The following TRMT5 variants were observed in gnomAD, a reference collection of about 807,000 sequenced individuals.
TRMT5 encodes tRNA (guanine(37)-N(1))-methyltransferase.
Under a neutral mutation model 42.2 loss-of-function variants are expected in TRMT5, and 31 were observed. That is an observed-to-expected ratio of 0.73 (90% CI 0.55 to 0.99). TRMT5 has a LOEUF of 0.99. TRMT5 is among the 50% of genes least tolerant of loss of function. The pLI, the probability that TRMT5 is intolerant of heterozygous loss-of-function variation, is 0.00. For missense variants in TRMT5, 568 were observed against 595.0 expected (o/e 0.95, Z 0.47); for synonymous variants, 198 against 209.6 (o/e 0.94, Z 0.48).
chr14:60,981,030 C>A lies in TRMT5; in HGVS notation c.-57G>T, dbSNP rs1374355044. 1 of 1,610,484 alleles carries A rather than the reference C, an allele frequency of 6.2e-7. No homozygotes were observed. The highest frequency in any genetic ancestry group is 1.7e-5 in the Admixed American group (1 of 60,008). ...CCGCGAGCCGACCCCTCACCTCCCG[C>A]TCCGGTACCGATCGGATGTGGGTCG... On this transcript the variant is annotated 5_prime_UTR_variant, in exon 1 of 5. Transcript: ENST00000261249.
rs200346213 is a variant in TRMT5 at position 60,977,564 on chromosome 14, G to A, written c.742C>T (p.Arg248Ter). 1.1e-5 allele frequency: 18 copies of A among 1,609,642 alleles called. No individual in the cohort carries two copies. The highest frequency in any genetic ancestry group is 3.3e-5 in the Admixed American group (2 of 59,774). ...GATAGCACTTCCATTTGGAAATTTC[G>A]GTACATATTGTCAATATTATTTATT... ...NKINNIDNMY[R>*]NFQMEVLSGE... Residue 248 changes from arginine to a stop codon, truncating the protein, a stop_gained, in exon 3 of 5, where the codon CGA (arginine) becomes TGA (stop). Transcript: ENST00000261249. LOFTEE classifies it high-confidence loss of function.
rs771699596 is a variant in TRMT5, at chr14:60,981,026, C to A, written c.-53G>T. 6.2e-7 allele frequency: 1 copy of A among 1,610,834 alleles called. No homozygotes were observed. On this transcript the variant is annotated 5_prime_UTR_variant, in exon 1 of 5. Coordinates refer to ENST00000261249, the MANE Select transcript of TRMT5 (RefSeq NM_020810.3). ...GGATCCGCGAGCCGACCCCTCACCT[C>A]CCGCTCCGGTACCGATCGGATGTGG...
chr14:60,980,029 G>C (rs2036923617), intron 1 of TRMT5, 143 bp from the exon 2 acceptor site: 1 of 958,346 alleles, frequency 1.0e-6, no homozygotes, highest in Non-Finnish European at 1.5e-6. Context: ...TCCAGACTAG[G>C]ATGACTTCTT....
Position 60,974,432 on chromosome 14 carries a change from T to TA in TRMT5, c.*676dup, listed in dbSNP as rs1382653465. On this transcript the variant is annotated 3_prime_UTR_variant, in exon 5 of 5. Coordinates refer to ENST00000261249, the MANE Select transcript of TRMT5 (RefSeq NM_020810.3). ...TGCAAATTCGTGAAGCGTTCCATATTAAAAACAAAAAACAGCTGCAGATGA... is the reference window on the plus strand; with the variant it reads ...TGCAAATTCGTGAAGCGTTCCATATTAAAAAACAAAAAACAGCTGCAGATGA... 1 of 152,302 alleles carries TA rather than the reference T, an allele frequency of 6.6e-6. No individual in the cohort carries two copies. The highest frequency in any genetic ancestry group is 1.5e-5 in the Non-Finnish European group (1 of 68,024). The allele number at this position is 152,302 out of a possible 1,614,324, so 9.4% of individuals were successfully genotyped here. A position where few individuals can be genotyped will look rare whatever the true frequency, so the allele number is the denominator to read the frequency against.
chr14:60,977,623 T>A lies in TRMT5; in HGVS notation c.683A>T (p.Asp228Val). The A allele has an allele frequency of 6.2e-7, 1 of 1,608,032 alleles. No homozygotes were observed. Among genetic ancestry groups the A allele is most frequent in the Non-Finnish European group, 8.5e-7 (1 of 1,177,346 alleles). ...FKHLIGQVMI[D>V]KNPGITSAVN... ...TGCTGAGGTGATTCCTGGATTTTTGTCAATCATAACCTGGCCTAAAAGAAA... is the reference window on the plus strand; with the variant it reads ...TGCTGAGGTGATTCCTGGATTTTTGACAATCATAACCTGGCCTAAAAGAAA... Residue 228 changes from aspartate to valine, a missense_variant, in exon 3 of 5, where the codon GAC becomes GTC. Asp to Val is a radical substitution (Grantham distance 152, BLOSUM62 -3). Transcript: ENST00000261249.
upstream of TRMT5, chr14:60,981,514 G>A: frequency 1.3e-6 from 2 of 1,534,020 alleles, no homozygotes; most frequent in Non-Finnish European, 1.7e-6. Context: ...TGGGGGATGG[G>A]GTCTGAAGGC....
Position 60,979,503 on chromosome 14 carries a change from T to A in TRMT5, c.395A>T (p.Asp132Val), listed in dbSNP as rs781031426. 2 of 1,614,208 alleles carry A rather than the reference T, an allele frequency of 1.2e-6. No homozygotes were observed. The highest frequency in any genetic ancestry group is 4.5e-5 in the East Asian group (2 of 44,884). Residue 132 changes from aspartate to valine, a missense_variant, in exon 2 of 5, where the codon GAT (aspartate) becomes GTT (valine). Coordinates refer to ENST00000261249, the MANE Select transcript of TRMT5 (RefSeq NM_020810.3). ...GIRRVIEDPE[D>V]KESRLIMLDP... ...CAACATGATTAGTCTACTTTCTTTA[T>A]CTTCCGGATCTTCAATCACACGTCT...
chr14:60,979,812 G>A lies in TRMT5; in HGVS notation c.86C>T (p.Ser29Leu), dbSNP rs763695602. 1.2e-6 allele frequency: 2 copies of A among 1,612,078 alleles called. No individual in the cohort carries two copies. Among genetic ancestry groups the A allele is most frequent in the Non-Finnish European group, 1.7e-6 (2 of 1,179,688 alleles). Reference protein sequence around the residue: ...LESHSITESKSLIPVAWTSLT... With the variant: ...LESHSITESKLLIPVAWTSLT... ...GGATGTCCAAGCTACTGGAATCAAC[G>A]ATTTTGATTCAGTTATGCTATGGCT... The change falls in exon 2 of 5, where the codon TCG becomes TTG. Residue 29 changes from serine to leucine, a missense_variant. Transcript: ENST00000261249.
chr14:60,981,593 A>T, upstream of TRMT5: 1 of 1,503,738 alleles, frequency 6.7e-7, no homozygotes, highest in South Asian at 1.2e-5. Context: ...CTCTAGAAAG[A>T]AAAGATGAAA....
At chr14:60,981,097 C>T (rs2139650120), upstream of TRMT5, 3 of 1,592,956 alleles carry the variant, frequency 1.9e-6, no homozygotes, top group Non-Finnish European at 2.6e-6. Context: ...TCACTGTTCG[C>T]CGCGAAGAGG....
Position 60,979,672 on chromosome 14 carries a change from G to T in TRMT5, c.226C>A (p.Pro76Thr). ...HERETELFSP[P>T]SDVRGMTKLD... ...TTTGTCATGCCTCGGACATCAGAAGGTGGTGAAAACAATTCAGTCTCTCTC... is the reference window on the plus strand; with the variant it reads ...TTTGTCATGCCTCGGACATCAGAAGTTGGTGAAAACAATTCAGTCTCTCTC... The change falls in exon 2 of 5, where the codon CCT (proline) becomes ACT (threonine). Residue 76 changes from proline to threonine, a missense_variant. Pro to Thr is a conservative substitution (Grantham distance 38). Transcript: ENST00000261249. The T allele has an allele frequency of 5.6e-6, 9 of 1,614,090 alleles. No homozygotes were observed. Among genetic ancestry groups the T allele is most frequent in the Non-Finnish European group, 7.6e-6 (9 of 1,180,018 alleles).
At position 60,979,620 on chromosome 14, in the gene TRMT5, G is replaced by A. The variant is rs755829639; in HGVS notation, c.278C>T (p.Thr93Ile). 2.1e-5 allele frequency: 34 copies of A among 1,613,974 alleles called. No individual in the cohort carries two copies. The African/African-American group carries it at 3.7e-4, about 18-fold the overall frequency. Reference protein sequence around the residue: ...TKLDRTAFKKTVNIPVLKVRK... With the variant: ...TKLDRTAFKKIVNIPVLKVRK... ...CACTTTAAGCACTGGAATGTTGACT[G>A]TCTTTTTAAAAGCTGTTCTATCAAG... Residue 93 changes from threonine (T) to isoleucine (I), a missense_variant, in exon 2 of 5, where the codon ACA becomes ATA. Thr to Ile is a moderately conservative substitution (Grantham distance 89, BLOSUM62 -1). Coordinates refer to ENST00000261249, the MANE Select transcript of TRMT5 (RefSeq NM_020810.3).
At chr14:60,977,793 A>G (rs567078075) in intron 2 of TRMT5, among the ~76,000 whole-genome samples, 155 bp from the exon 3 acceptor site, 1 of 152,380 alleles carries the variant, frequency 6.6e-6, no homozygotes, top group East Asian at 1.9e-4. Flanking sequence ...AAAATTCAAC[A>G]GATGACTAAA....
At chr14:60,978,382 TCA>T (rs553885463) in intron 2 of TRMT5, among the ~76,000 whole-genome samples, 23 of 152,336 alleles carry the variant, frequency 1.5e-4, no homozygotes, top group Non-Finnish European at 2.8e-4. Flanking sequence ...TTTCTGATAA[TCA>T]GATACTTGTT....
chr14:60,980,540 T>C (rs2036941692), intron 1 of TRMT5, among the ~76,000 whole-genome samples: 1 of 152,212 alleles, frequency 6.6e-6, no homozygotes, highest in Non-Finnish European at 1.5e-5. Context: ...GTCCTGCCTT[T>C]AACTAGAGGC....
In TRMT5 at chr14:60,971,591, A is replaced by G. The variant is rs929257500; in HGVS notation, c.*3518T>C. The G allele has an allele frequency of 1.6e-5, 3 of 185,828 alleles. No homozygotes were observed. Among genetic ancestry groups the G allele is most frequent in the African/African-American group, 4.8e-5 (2 of 41,862 alleles). 11.5% of individuals were successfully genotyped at this position (185,828 alleles called of 1,614,324 possible). ...AATGGACTACCAAAAATCAGCCGCTATAAAACCCAATGAAGTCCTCATCTG... is the reference window on the plus strand; with the variant it reads ...AATGGACTACCAAAAATCAGCCGCTGTAAAACCCAATGAAGTCCTCATCTG... On this transcript the variant is annotated 3_prime_UTR_variant, in exon 5 of 5. Coordinates refer to ENST00000261249, the MANE Select transcript of TRMT5 (RefSeq NM_020810.3).
chr14:60,977,494 T>G lies in TRMT5; in HGVS notation c.792+20A>C. On this transcript the variant is annotated intron_variant, in intron 3 of 4. Transcript: ENST00000261249. The stretch of plus-strand genomic sequence containing the variant: ...AACATAATATTGATATACACCTTAC[T>G]TGGAGATAATAAAATATACCTTTGT... 1 of 1,592,106 alleles carries G rather than the reference T, an allele frequency of 6.3e-7. No individual in the cohort carries two copies. The highest frequency in any genetic ancestry group is 8.5e-7 in the Non-Finnish European group (1 of 1,172,240).
In TRMT5 at chr14:60,979,652, C is replaced by T. The variant is rs758770380; in HGVS notation, c.246G>A (p.Met82Ile). The T allele has an allele frequency of 6.2e-7, 1 of 1,613,960 alleles. No homozygotes were observed. Among genetic ancestry groups the T allele is most frequent in the Non-Finnish European group, 8.5e-7 (1 of 1,180,024 alleles). ...LFSPPSDVRG[M>I]TKLDRTAFKK... is the part of the protein sequence containing the mutation. The stretch of plus-strand genomic sequence containing the variant: ...TAAAAGCTGTTCTATCAAGTTTTGT[C>T]ATGCCTCGGACATCAGAAGGTGGTG... The change falls in exon 2 of 5, where the codon ATG becomes ATA. Residue 82 changes from methionine to isoleucine, a missense_variant. Coordinates refer to ENST00000261249, the MANE Select transcript of TRMT5 (RefSeq NM_020810.3).
rs899860966 is a variant in TRMT5 at position 60,973,841 on chromosome 14, T to C, written c.*1268A>G. ...AAACATAATTAATTCACACCATCAA[T>C]AAATGGCTTTGCTTGGCTAACAAAT... On this transcript the variant is annotated 3_prime_UTR_variant, in exon 5 of 5. Transcript: ENST00000261249. The C allele has an allele frequency of 6.6e-6, 1 of 152,232 alleles. No homozygotes were observed. 9.4% of individuals were successfully genotyped at this position (152,232 alleles called of 1,614,324 possible).
Sources: gnomAD v4.1 joint callset for allele counts (sites outside exome capture counted in the v4.1 genomes callset) on GRCh38, gnomAD v4.1.1 for gene constraint, MANE v1.5 for transcripts, NCBI Gene and HGNC (gene_info 2026-07-23, HGNC 2026-07-21) for gene names.